Variants in RBFOX3 observed in about 807,000 individuals in gnomAD.
RBFOX3 encodes the protein RNA binding protein fox-1 homolog 3.
In RBFOX3, 17 loss-of-function variants were observed where a neutral mutation model predicts 48.7. The ratio of observed to expected loss-of-function variants is 0.35; its 90% CI spans 0.24 to 0.52. The LOEUF (loss-of-function observed/expected upper bound fraction) is 0.52. Among genes scored for constraint, RBFOX3 ranks in the 20% least tolerant of loss-of-function variants. The pLI, the probability that RBFOX3 is intolerant of heterozygous loss-of-function variation, is 0.94. For synonymous variants in RBFOX3, 212 were observed against 209.5 expected, an observed-to-expected ratio of 1.01 and a Z score of -0.10; for missense variants, 382 against 497.5, an observed-to-expected ratio of 0.77 and a Z score of 2.21.
intron 14 of RBFOX3, among the ~76,000 whole-genome samples, chr17:79,093,323 A>T (rs940462533): frequency 2.0e-5 from 3 of 151,220 alleles, no homozygotes; most frequent in African/African-American, 7.2e-5. Context: ...CAGCAAGTGC[A>T]AGAGAAGAAA....
chr17:79,547,889 C>T (rs1266866822), intron 1 of RBFOX3, among the ~76,000 whole-genome samples: 3 of 152,214 alleles, frequency 2.0e-5, no homozygotes, highest in African/African-American at 2.4e-5. Context: ...GTGAAGGACT[C>T]GGACCTCCAG....
At chr17:79,388,753 C>T (rs531635453) in intron 2 of RBFOX3, among the ~76,000 whole-genome samples, 2 of 152,300 alleles carry the variant, frequency 1.3e-5, no homozygotes, top group African/African-American at 4.8e-5. Flanking sequence ...CCAGCCACCC[C>T]TCCTGCACAT....
At chr17:79,385,554 C>A (rs1316371077) in intron 2 of RBFOX3, among the ~76,000 whole-genome samples, 1 of 152,170 alleles carries the variant, frequency 6.6e-6, no homozygotes, top group Non-Finnish European at 1.5e-5. Context: ...CCCCCATGCC[C>A]ATCTGAGAAC....
At chr17:79,431,571 G>A (rs1374043205) in intron 2 of RBFOX3, among the ~76,000 whole-genome samples, 1 of 142,792 alleles carries the variant, frequency 7.0e-6, no homozygotes, top group Non-Finnish European at 1.5e-5. Context: ...TGCAACCTCT[G>A]CCTCCTGGGT....
chr17:79,410,614 A>G (rs1007449855), intron 2 of RBFOX3, among the ~76,000 whole-genome samples: 3 of 152,152 alleles, frequency 2.0e-5, no homozygotes, highest in African/African-American at 7.2e-5. Context: ...TGGTGGCGTG[A>G]AAGTGGAGGG....
chr17:79,292,604 A>G (rs1249276929), intron 3 of RBFOX3, among the ~76,000 whole-genome samples: 2 of 85,952 alleles, frequency 2.3e-5, no homozygotes, highest in Non-Finnish European at 4.8e-5. Context: ...ACACACGCAC[A>G]CACACACACA....
intron 1 of RBFOX3, among the ~76,000 whole-genome samples, chr17:79,604,882 C>T (rs903793616): frequency 1.3e-5 from 2 of 152,284 alleles, no homozygotes; most frequent in Non-Finnish European, 2.9e-5. Context: ...GCAAACGATC[C>T]GGAGACATGA....
rs2075652785 is a variant in RBFOX3 at position 79,097,749 on chromosome 17, A to T, written c.569-4T>A. 6.4e-7 allele frequency: 1 copy of T among 1,551,278 alleles called. No individual in the cohort carries two copies. Among genetic ancestry groups the T allele is most frequent in the Non-Finnish European group, 8.7e-7 (1 of 1,146,828 alleles). ...ACCACTGGATTTAGCTTCCAGCCTAAAACAAAGGCACAGAGACCTAGTCAC... is the reference window on the plus strand; with the variant it reads ...ACCACTGGATTTAGCTTCCAGCCTATAACAAAGGCACAGAGACCTAGTCAC... On this transcript the variant is annotated splice_region_variant and splice_polypyrimidine_tract_variant and intron_variant, in intron 9 of 14. Coordinates refer to ENST00000693108, the MANE Select transcript of RBFOX3 (RefSeq NM_001350451.2).
In RBFOX3 at chr17:79,195,276, C is replaced by T. The variant is rs1023301149; in HGVS notation, c.-34+40490G>A. The stretch of plus-strand genomic sequence containing the variant: ...GCCGGACATGGTGGTGGCTCTCGTG[C>T]GTACAGTCCCAGCTACTCAGGAGGC... On this transcript the variant is annotated intron_variant, in intron 4 of 14. Coordinates refer to ENST00000693108, the MANE Select transcript of RBFOX3 (RefSeq NM_001350451.2). The surrounding 1 kb of genome is among the most constrained non-coding windows in gnomAD (Gnocchi z 5.3). 6.6e-6 allele frequency among the ~76,000 whole-genome samples: 1 copy of T among 152,016 alleles called. No homozygotes were observed. The highest frequency in any genetic ancestry group is 2.4e-5 in the African/African-American group (1 of 41,392).
At chr17:79,226,271 G>C (rs1174698169) in intron 4 of RBFOX3, among the ~76,000 whole-genome samples, 1 of 152,196 alleles carries the variant, frequency 6.6e-6, no homozygotes, top group East Asian at 1.9e-4. Context: ...TCCAAGAGAA[G>C]TGGGAGTCAC....
intron 2 of RBFOX3, among the ~76,000 whole-genome samples, chr17:79,381,904 A>G (rs981634345): frequency 2.6e-5 from 4 of 152,196 alleles, no homozygotes; most frequent in East Asian, 1.9e-4. Context: ...CCAGGGGTGC[A>G]CTGAGGAAAT....
At chr17:79,517,976 C>T (rs1341017782) in intron 1 of RBFOX3, among the ~76,000 whole-genome samples, 3 of 152,252 alleles carry the variant, frequency 2.0e-5, no homozygotes, top group Non-Finnish European at 2.9e-5. Context: ...AGAAACCGAA[C>T]GAGACTCCCA....
chr17:79,257,447 G>A (rs2065061978), intron 3 of RBFOX3, among the ~76,000 whole-genome samples: 1 of 152,242 alleles, frequency 6.6e-6, no homozygotes, highest in Admixed American at 6.5e-5. Context: ...CCAAGATGCT[G>A]AGAGCACAGC....
intron 4 of RBFOX3, among the ~76,000 whole-genome samples, chr17:79,131,944 TTC>T (rs1466315771): frequency 2.0e-5 from 3 of 152,142 alleles, no homozygotes; most frequent in African/African-American, 4.8e-5. Context: ...TAAGCGGTAA[TTC>T]TCTCCAAGCT....
chr17:79,427,402 G>A (rs1421614503), intron 2 of RBFOX3, among the ~76,000 whole-genome samples: 1 of 152,208 alleles, frequency 6.6e-6, no homozygotes, highest in Non-Finnish European at 1.5e-5. Flanking sequence ...GTCTCTGAGG[G>A]GCGACTGCAG....
In RBFOX3 at chr17:79,159,911, G is replaced by C. The variant is rs9907241; in HGVS notation, c.-33-44163C>G. On this transcript the variant is annotated intron_variant, in intron 4 of 14. Coordinates refer to ENST00000693108, the MANE Select transcript of RBFOX3 (RefSeq NM_001350451.2). ...CAGAGGCTTCAGCGAGGGTGCATGC[G>C]TGTCCGCCGAGTGTTCCAGCGTCCC... is the stretch of plus-strand genomic sequence containing the variant. Among the ~76,000 whole-genome samples, 594 of 152,250 alleles carry C rather than the reference G, an allele frequency of 3.9e-3. 3 individuals are homozygous for C. The highest frequency in any genetic ancestry group is 6.4e-3 in the Non-Finnish European group (432 of 68,014).
intron 4 of RBFOX3, among the ~76,000 whole-genome samples, chr17:79,151,259 G>T (rs1435058599): frequency 6.6e-6 from 1 of 151,402 alleles, no homozygotes; most frequent in Non-Finnish European, 1.5e-5. Context: ...CACAGTCCAG[G>T]GGGAGAAGCG....
intron 4 of RBFOX3, among the ~76,000 whole-genome samples, chr17:79,141,565 G>A (rs552115673): frequency 3.2e-4 from 49 of 152,308 alleles, no homozygotes; most frequent in African/African-American, 1.1e-3. Context: ...CAGGTGGTTG[G>A]GGTGGGGCTG....
intron 2 of RBFOX3, among the ~76,000 whole-genome samples, chr17:79,463,990 C>T (rs1480550723): frequency 2.6e-5 from 4 of 152,226 alleles, no homozygotes; most frequent in African/African-American, 4.8e-5. Context: ...GCCACCTCCA[C>T]CACCATTGGT....
Sources: gnomAD v4.1 joint callset for allele counts (sites outside exome capture counted in the v4.1 genomes callset) on GRCh38, gnomAD v4.1.1 for gene constraint, Gnocchi (gnomAD v3.1) non-coding constraint, MANE v1.5 for transcripts, NCBI Gene and HGNC (gene_info 2026-07-23, HGNC 2026-07-21) for gene names.